GDPD1: variants seen among roughly 807,000 people sequenced by gnomAD.
GDPD1 encodes lysophospholipase D GDPD1.
Under a neutral mutation model 45.1 loss-of-function variants are expected in GDPD1, and 28 were observed. That is an observed-to-expected ratio of 0.62 (90% CI 0.46 to 0.85). The LOEUF is 0.85. Among genes scored for constraint, GDPD1 ranks in the 40% least tolerant of loss-of-function variants. The pLI, the probability that GDPD1 is intolerant of heterozygous loss-of-function variation, is 0.00. For synonymous variants in GDPD1, 139 were observed against 131.4 expected, an observed-to-expected ratio of 1.06 and a Z score of -0.40; for missense variants, 256 against 364.8, an observed-to-expected ratio of 0.70 and a Z score of 2.43.
At chr17:59,244,265 C>T (rs970858315) in intron 2 of GDPD1, among the ~76,000 whole-genome samples, 2 of 152,124 alleles carry the variant, frequency 1.3e-5, no homozygotes, top group East Asian at 1.9e-4. Flanking sequence ...AGTAGCCTGC[C>T]GCTACTTGGG....
At chr17:59,271,072 C>A in intron 8 of GDPD1, 77 bp downstream of exon 8, 1 of 848,412 alleles carries the variant, frequency 1.2e-6, no homozygotes, top group Non-Finnish European at 1.9e-6. Context: ...AAATGTTGTG[C>A]AAGCTTTCCA....
At chr17:59,236,442 G>A (rs949092470) in intron 2 of GDPD1, among the ~76,000 whole-genome samples, 8 of 152,016 alleles carry the variant, frequency 5.3e-5, no homozygotes, top group Admixed American at 1.3e-4. Flanking sequence ...GATTTTTCTA[G>A]TACTTCAGAA....
chr17:59,271,718 C>T (rs1296165106), intron 8 of GDPD1, among the ~76,000 whole-genome samples: 1 of 151,112 alleles, frequency 6.6e-6, no homozygotes, highest in Non-Finnish European at 1.5e-5. Context: ...TCTCGGCTCA[C>T]CGCTTCCTGG....
At chr17:59,250,472 A>G (rs1194572192) in intron 4 of GDPD1, among the ~76,000 whole-genome samples, 1 of 152,054 alleles carries the variant, frequency 6.6e-6, no homozygotes, top group Non-Finnish European at 1.5e-5. Context: ...AATATTAGCC[A>G]GTCATGGTGG....
At chr17:59,239,836 C>T (rs995924619) in intron 2 of GDPD1, among the ~76,000 whole-genome samples, 9 of 151,042 alleles carry the variant, frequency 6.0e-5, no homozygotes, top group South Asian at 2.1e-4. Flanking sequence ...CCAGCTCAAG[C>T]GATCCTCACA....
chr17:59,265,207 A>C (rs2047389950), intron 6 of GDPD1, among the ~76,000 whole-genome samples: 1 of 152,002 alleles, frequency 6.6e-6, no homozygotes, highest in Non-Finnish European at 1.5e-5. Context: ...TGTTTTTATT[A>C]AAAGTTCACT....
At chr17:59,268,578 C>CAAAAAAAAAAAAAA (rs1176390251) in intron 7 of GDPD1, among the ~76,000 whole-genome samples, 1 of 35,372 alleles carries the variant, frequency 2.8e-5, no homozygotes, top group African/African-American at 9.2e-5. Flanking sequence ...GACTCTGTCT[C>CAAAAAAAAAAAAAA]AAAAAAAAAA....
chr17:59,266,111 G>A (rs2047397066), intron 6 of GDPD1, among the ~76,000 whole-genome samples: 1 of 151,964 alleles, frequency 6.6e-6, no homozygotes, highest in South Asian at 2.1e-4. Context: ...AATTTGGCTG[G>A]TGCGGTGGCT....
At chr17:59,234,930 A>T (rs1416798851) in intron 2 of GDPD1, among the ~76,000 whole-genome samples, 2 of 151,280 alleles carry the variant, frequency 1.3e-5, no homozygotes, top group Non-Finnish European at 2.9e-5. Context: ...TACAGAACTG[A>T]ACCTGCAATC....
intron 1 of GDPD1, among the ~76,000 whole-genome samples, chr17:59,231,058 C>A (rs547932703): frequency 1.3e-5 from 2 of 152,146 alleles, no homozygotes; most frequent in Non-Finnish European, 2.9e-5. Flanking sequence ...AAAAGGCATG[C>A]ATGGGTCACC....
At chr17:59,259,988 T>C (rs1483100803) in intron 6 of GDPD1, among the ~76,000 whole-genome samples, 1 of 126,228 alleles carries the variant, frequency 7.9e-6, no homozygotes, top group African/African-American at 3.1e-5. Context: ...TTGAGCCTAG[T>C]AGACAGAGGT....
chr17:59,249,567 T>C (rs2047237788), intron 4 of GDPD1, among the ~76,000 whole-genome samples: 1 of 152,188 alleles, frequency 6.6e-6, no homozygotes. Context: ...AAACATTTCC[T>C]AGTCATCTTC....
chr17:59,242,603 A>G (rs1210936036), intron 2 of GDPD1, among the ~76,000 whole-genome samples: 1 of 152,192 alleles, frequency 6.6e-6, no homozygotes, highest in African/African-American at 2.4e-5. Flanking sequence ...TTTTACATCA[A>G]TAAAATCATA....
At position 59,245,527 on chromosome 17, in the gene GDPD1, A is replaced by G. The variant is rs1285471500; in HGVS notation, c.299A>G (p.Asn100Ser). ...AAGAGAGCAACTGGGGTCAATGTAA[A>G]CATCTCTGATCTCAAATACTGTGTA... ...NLKRATGVNV[N>S]ISDLKYCELP... The change falls in exon 3 of 10, where the codon AAC becomes AGC. Residue 100 changes from asparagine to serine, a missense_variant. Physicochemically the swap from Asn to Ser is conservative, Grantham distance 46 (BLOSUM62 1). Coordinates refer to ENST00000284116, the MANE Select transcript of GDPD1 (RefSeq NM_182569.4). 6.2e-7 allele frequency: 1 copy of G among 1,610,554 alleles called. No individual in the cohort carries two copies. Among genetic ancestry groups the G allele is most frequent in the Non-Finnish European group, 8.5e-7 (1 of 1,177,476 alleles).
At chr17:59,231,483 T>C (rs977051529) in intron 1 of GDPD1, among the ~76,000 whole-genome samples, 1 of 151,662 alleles carries the variant, frequency 6.6e-6, no homozygotes, top group African/African-American at 2.4e-5. Flanking sequence ...CCCACCACCA[T>C]GCCCAGCTAA....
chr17:59,237,986 A>G (rs2047146329), intron 2 of GDPD1, among the ~76,000 whole-genome samples: 1 of 127,184 alleles, frequency 7.9e-6, no homozygotes, highest in South Asian at 2.5e-4. Flanking sequence ...AAAAAAAAAA[A>G]GGCCGGGCAT....
At chr17:59,253,467 G>T (rs1455068850) in intron 4 of GDPD1, among the ~76,000 whole-genome samples, 1 of 152,098 alleles carries the variant, frequency 6.6e-6, no homozygotes, top group African/African-American at 2.4e-5. Flanking sequence ...GCCTTCCAAA[G>T]TGCTGAGATT....
In GDPD1 at chr17:59,248,302, T is replaced by TATAAA. The variant is rs554878179; in HGVS notation, c.322-413_322-409dup. Among the ~76,000 whole-genome samples, 927 of 151,746 alleles carry TATAAA rather than the reference T, an allele frequency of 6.1e-3. 6 individuals carry two copies. The highest frequency in any genetic ancestry group is 0.02 in the African/African-American group (809 of 41,452). On this transcript the variant is annotated intron_variant, in intron 3 of 9. Coordinates refer to ENST00000284116, the MANE Select transcript of GDPD1 (RefSeq NM_182569.4). ...CAATAGAGTGATACCCTGTCTCAAA[T>TATAAA]ATAAAATAAAATAAAATAAAATAAA...
intron 2 of GDPD1, among the ~76,000 whole-genome samples, chr17:59,243,533 C>CG (rs1452661155): frequency 1.3e-5 from 2 of 151,338 alleles, no homozygotes; most frequent in African/African-American, 4.9e-5. Flanking sequence ...AAAAAGTGAG[C>CG]GAACTGGGGC....
Sources: gnomAD v4.1 joint callset for allele counts (sites outside exome capture counted in the v4.1 genomes callset) on GRCh38, gnomAD v4.1.1 for gene constraint, MANE v1.5 for transcripts, NCBI Gene and HGNC (gene_info 2026-07-23, HGNC 2026-07-21) for gene names.